GNB5: variants seen among roughly 807,000 people sequenced by gnomAD.
GNB5 encodes the protein G protein subunit beta 5.
In GNB5, 37 loss-of-function variants were observed where a neutral mutation model predicts 55.3. The ratio of observed to expected loss-of-function variants is 0.67; its 90% CI spans 0.51 to 0.88. The LOEUF is 0.88. Among genes scored for constraint, GNB5 ranks in the 40% least tolerant of loss-of-function variants. The pLI, the probability that GNB5 is intolerant of heterozygous loss-of-function variation, is 0.00. For synonymous variants in GNB5, 219 were observed against 198.5 expected, an observed-to-expected ratio of 1.10 and a Z score of -0.87; for missense variants, 476 against 515.3, an observed-to-expected ratio of 0.92 and a Z score of 0.74.
rs551386985 is a variant in GNB5, at chr15:52,131,474, G to T, written c.863+1904C>A. 1.8e-4 allele frequency among the ~76,000 whole-genome samples: 27 copies of T among 152,150 alleles called. No individual in the cohort carries two copies. In the South Asian group the frequency reaches 5.0e-3, roughly 28 times the overall value. On this transcript the variant is annotated intron_variant, in intron 9 of 12. Coordinates refer to ENST00000261837, the MANE Select transcript of GNB5 (RefSeq NM_016194.4). ...ACTACATCATTTTATGTAGGATTCT[G>T]GTATCTGAGGGAGGTCCTGGAACCA...
rs1443069817 is a variant in GNB5, at chr15:52,122,420, A to G, written c.*337T>C. ...GAAAATGAATTGATTCAAAGAAATA[A>G]TATGGAATATATTAACTGCTGAATT... On this transcript the variant is annotated 3_prime_UTR_variant, in exon 13 of 13. Transcript: ENST00000261837. 2 of 260,162 alleles carry G rather than the reference A, an allele frequency of 7.7e-6. No individual in the cohort carries two copies. The highest frequency in any genetic ancestry group is 1.0e-4 in the Admixed American group (2 of 19,784). The allele number at this position is 260,162 out of a possible 1,614,324, so 16.1% of individuals were successfully genotyped here. A position where few individuals can be genotyped will look rare whatever the true frequency, so the allele number is the denominator to read the frequency against.
At chr15:52,184,428 C>CA (rs1371476477) in intron 2 of GNB5, 123 bp downstream of exon 2, 1 of 815,838 alleles carries the variant, frequency 1.2e-6, no homozygotes, top group African/African-American at 1.7e-5. Flanking sequence ...ACTGCCTCAC[C>CA]AAGCCCAGGC....
In GNB5 at chr15:52,117,102, A is replaced by ATATATATATATATATATATT; in HGVS notation, c.*5654_*5655insAATATATATATATATATATA. The ATATATATATATATATATATT allele has an allele frequency of 2.3e-5, 2 of 87,098 alleles. No homozygotes were observed. The highest frequency in any genetic ancestry group is 6.1e-5 in the African/African-American group (1 of 16,446). 5.4% of individuals were successfully genotyped at this position (87,098 alleles called of 1,614,324 possible). A position where few individuals can be genotyped will look rare whatever the true frequency, so the allele number is the denominator to read the frequency against. On this transcript the variant is annotated 3_prime_UTR_variant, in exon 13 of 13. Coordinates refer to ENST00000261837, the MANE Select transcript of GNB5 (RefSeq NM_016194.4). ...CCACGCCCAGCTAATATATATATAT[A>ATATATATATATATATATATT]TTTTTTTTTAGTACAGACAGGGTTT...
At chr15:52,164,216 G>C (rs1007008564) in intron 3 of GNB5, among the ~76,000 whole-genome samples, 3 of 151,328 alleles carry the variant, frequency 2.0e-5, no homozygotes, top group Non-Finnish European at 2.9e-5. Flanking sequence ...GCTGAGGCAG[G>C]AGAATCGCTT....
chr15:52,116,079 G>T lies in GNB5; in HGVS notation c.*6678C>A, dbSNP rs1022050744. 6.6e-6 allele frequency: 1 copy of T among 152,116 alleles called. No individual in the cohort carries two copies. The highest frequency in any genetic ancestry group is 1.5e-5 in the Non-Finnish European group (1 of 68,032). The allele number at this position is 152,116 out of a possible 1,614,324, so 9.4% of individuals were successfully genotyped here. A position where few individuals can be genotyped will look rare whatever the true frequency, so the allele number is the denominator to read the frequency against. ...CGATTCATCCACTGTGGAACATTGG[G>T]GCTGTTTCAGCTTTGGGCTATTATG... On this transcript the variant is annotated 3_prime_UTR_variant, in exon 13 of 13. Transcript: ENST00000261837.
intron 7 of GNB5, among the ~76,000 whole-genome samples, chr15:52,140,738 T>C (rs1223867636): frequency 2.6e-5 from 4 of 152,220 alleles, no homozygotes; most frequent in Non-Finnish European, 5.9e-5. Context: ...TCTTTTTGCA[T>C]TGGTTAAAAC....
intron 1 of GNB5, among the ~76,000 whole-genome samples, chr15:52,189,213 G>C (rs1022260620): frequency 1.3e-5 from 2 of 152,168 alleles, no homozygotes; most frequent in Non-Finnish European, 2.9e-5. Flanking sequence ...TGTGGAAAAC[G>C]GTTTGGCAGT....
chr15:52,181,826 G>C (rs1044270040), intron 2 of GNB5, among the ~76,000 whole-genome samples: 2 of 151,938 alleles, frequency 1.3e-5, no homozygotes, highest in African/African-American at 4.8e-5. Flanking sequence ...GTTAATGCTA[G>C]TTTATTAAAT....
At chr15:52,147,205 T>C (rs1195081262) in intron 6 of GNB5, 1 of 320,786 alleles carries the variant, frequency 3.1e-6, no homozygotes, top group African/African-American at 2.3e-5. Context: ...GGTCTTGCTA[T>C]GTTGCCAGGG....
intron 9 of GNB5, among the ~76,000 whole-genome samples, chr15:52,129,661 T>A (rs376901142): frequency 1.8e-3 from 271 of 152,336 alleles, no homozygotes; most frequent in African/African-American, 6.3e-3. Flanking sequence ...CCAAGTGTAT[T>A]ATCTTCCAGG....
chr15:52,140,778 A>T (rs952017043), intron 7 of GNB5, among the ~76,000 whole-genome samples: 8 of 152,218 alleles, frequency 5.3e-5, no homozygotes, highest in African/African-American at 1.7e-4. Flanking sequence ...CATGCAGTGC[A>T]CAGCTCTGAA....
intron 3 of GNB5, among the ~76,000 whole-genome samples, chr15:52,167,972 C>T (rs78345800): frequency 0.021 from 3,227 of 152,228 alleles, 116 homozygotes; most frequent in African/African-American, 0.075. Context: ...GTTAAAAACT[C>T]GCAATAAACA....
chr15:52,141,125 G>C lies in GNB5; in HGVS notation c.627+15C>G. Reference sequence around the variant, plus strand: ...CCTTGGCAGGTCAACCTGACACCGGGGGCTGCCTATTTACCTGCATGTCAG... The same window carrying C: ...CCTTGGCAGGTCAACCTGACACCGGCGGCTGCCTATTTACCTGCATGTCAG... On this transcript the variant is annotated intron_variant, in intron 7 of 12. Coordinates refer to ENST00000261837, the MANE Select transcript of GNB5 (RefSeq NM_016194.4). 6.2e-7 allele frequency: 1 copy of C among 1,613,638 alleles called. No homozygotes were observed.
chr15:52,121,104 C>T lies in GNB5; in HGVS notation c.*1653G>A, dbSNP rs1048750677. On this transcript the variant is annotated 3_prime_UTR_variant, in exon 13 of 13. Coordinates refer to ENST00000261837, the MANE Select transcript of GNB5 (RefSeq NM_016194.4). ...GGTCCAGTCCTGTCTTATGGCTGTG[C>T]CCAGCTCCAGCTCTGGAAGAGTCTC... 9.9e-5 allele frequency: 15 copies of T among 152,192 alleles called. No individual in the cohort carries two copies. Among genetic ancestry groups the T allele is most frequent in the Admixed American group, 3.3e-4 (5 of 15,270 alleles). 9.4% of individuals were successfully genotyped at this position (152,192 alleles called of 1,614,324 possible).
intron 5 of GNB5, chr15:52,149,471 C>T (rs2034045488): frequency 1.2e-5 from 5 of 427,836 alleles, no homozygotes; most frequent in Middle Eastern, 6.1e-4. Flanking sequence ...ACTGCAGCCT[C>T]ATCTTCCCCA....
rs146567538 is a variant in GNB5 at position 52,138,212 on chromosome 15, A to T, written c.628-2456T>A. 7.2e-5 allele frequency among the ~76,000 whole-genome samples: 11 copies of T among 152,050 alleles called. No homozygotes were observed. In the East Asian group the frequency reaches 2.1e-3, roughly 29 times the overall value. On this transcript the variant is annotated intron_variant, in intron 7 of 12. Coordinates refer to ENST00000261837, the MANE Select transcript of GNB5 (RefSeq NM_016194.4). ...AGCCTGGCCAACATGGTAAAACTCC[A>T]ACTCTACTAAAAATACAAAAATTAG...
intron 3 of GNB5, among the ~76,000 whole-genome samples, chr15:52,166,299 CA>C (rs1221607787): frequency 4.6e-5 from 7 of 152,196 alleles, no homozygotes; most frequent in Non-Finnish European, 8.8e-5. Flanking sequence ...AGAAAATTAA[CA>C]AGGATATTCA....
chr15:52,152,523 C>G (rs2034120367), intron 4 of GNB5, among the ~76,000 whole-genome samples: 1 of 151,390 alleles, frequency 6.6e-6, no homozygotes, highest in African/African-American at 2.4e-5. Context: ...CGAGGTTTCA[C>G]CATGTTGGCC....
rs570879593 is a variant in GNB5, at chr15:52,120,968, T to C, written c.*1789A>G. On this transcript the variant is annotated 3_prime_UTR_variant, in exon 13 of 13. Transcript: ENST00000261837. ...ATTATTATGTTTATTTGAAGTGAGA[T>C]GATGGAAAAGATGGCCTGGCTGATT... 1 of 152,242 alleles carries C rather than the reference T, an allele frequency of 6.6e-6. No homozygotes were observed. Among genetic ancestry groups the C allele is most frequent in the Non-Finnish European group, 1.5e-5 (1 of 68,054 alleles). The allele number at this position is 152,242 out of a possible 1,614,324, so 9.4% of individuals were successfully genotyped here.
Sources: allele counts gnomAD v4.1 joint callset (sites outside exome capture counted in the v4.1 genomes callset), GRCh38; gene constraint gnomAD v4.1.1; transcripts MANE v1.5; gene names NCBI Gene and HGNC (gene_info 2026-07-23, HGNC 2026-07-21).